PRKG1: variants seen among roughly 807,000 people sequenced by gnomAD.
PRKG1 encodes protein kinase cGMP-dependent 1.
PRKG1 carries 35 observed loss-of-function variants against 88.1 expected under a neutral mutation model. That is an observed-to-expected ratio of 0.40 (90% CI 0.30 to 0.53). The LOEUF is 0.53. PRKG1 is among the 20% of genes least tolerant of loss of function. The pLI is 0.59. For synonymous variants in PRKG1, 303 were observed against 292.5 expected, an observed-to-expected ratio of 1.04 and a Z score of -0.37; for missense variants, 540 against 839.8, an observed-to-expected ratio of 0.64 and a Z score of 4.41.
At chr10:51,864,124 A>G (rs115255595) in intron 4 of PRKG1, among the ~76,000 whole-genome samples, 11 of 152,328 alleles carry the variant, frequency 7.2e-5, no homozygotes, top group Non-Finnish European at 1.2e-4. Flanking sequence ...TAAGGTGGAA[A>G]TGTCTTCTGC....
At chr10:52,155,504 G>C (rs1276698142) in intron 8 of PRKG1, among the ~76,000 whole-genome samples, 2 of 151,752 alleles carry the variant, frequency 1.3e-5, no homozygotes, top group African/African-American at 4.8e-5. Flanking sequence ...TGCTTGACTG[G>C]ATAGTTTTCC....
intron 3 of PRKG1, chr10:51,697,608 A>G: frequency 1.6e-6 from 2 of 1,222,238 alleles, no homozygotes; most frequent in South Asian, 2.8e-5. Flanking sequence ...CCCTAATCCA[A>G]GTGTGGGGAT....
chr10:52,039,140 C>T (rs1845692356), intron 5 of PRKG1, among the ~76,000 whole-genome samples: 1 of 152,122 alleles, frequency 6.6e-6, no homozygotes, highest in Non-Finnish European at 1.5e-5. Flanking sequence ...AAGAGACCAC[C>T]AAACAGGCTT....
At chr10:51,626,575 T>A (rs1367355495) in intron 3 of PRKG1, among the ~76,000 whole-genome samples, 1 of 152,232 alleles carries the variant, frequency 6.6e-6, no homozygotes, top group African/African-American at 2.4e-5. Flanking sequence ...CAAATCATAA[T>A]GAATAGCATT....
chr10:51,582,943 A>G (rs1838079281), intron 3 of PRKG1, among the ~76,000 whole-genome samples: 1 of 152,120 alleles, frequency 6.6e-6, no homozygotes, highest in Admixed American at 6.6e-5. Flanking sequence ...TGGAATCACA[A>G]CTATTATTTT....
intron 3 of PRKG1, among the ~76,000 whole-genome samples, chr10:51,610,212 A>G (rs888623884): frequency 6.6e-6 from 1 of 152,126 alleles, no homozygotes; most frequent in Non-Finnish European, 1.5e-5. Flanking sequence ...TTACTAATCT[A>G]TCAAAGAAGA....
At chr10:51,049,615 A>G (rs992981002) in intron 1 of PRKG1, among the ~76,000 whole-genome samples, 5 of 152,188 alleles carry the variant, frequency 3.3e-5, no homozygotes, top group Admixed American at 6.5e-5. Flanking sequence ...TAAGCTGAAA[A>G]CAACCATATA....
chr10:51,909,719 G>T (rs549954086), intron 5 of PRKG1: 2 of 151,990 alleles, frequency 1.3e-5, no homozygotes, highest in South Asian at 4.1e-4. Context: ...AAAGCCTGTG[G>T]AAGTAGGAGG....
At chr10:51,056,391 T>C (rs1284061059) in intron 1 of PRKG1, among the ~76,000 whole-genome samples, 2 of 152,216 alleles carry the variant, frequency 1.3e-5, no homozygotes, top group Non-Finnish European at 2.9e-5. Flanking sequence ...CTCCCTTTAC[T>C]GTTAAACGTG....
At chr10:51,944,773 GT>G (rs1842987292) in intron 5 of PRKG1, among the ~76,000 whole-genome samples, 1 of 152,044 alleles carries the variant, frequency 6.6e-6, no homozygotes, top group Admixed American at 6.5e-5. Flanking sequence ...TTTTGAGTGA[GT>G]TTCTTAATCC....
chr10:51,311,011 C>T (rs1039024550), intron 2 of PRKG1, among the ~76,000 whole-genome samples: 4 of 151,710 alleles, frequency 2.6e-5, no homozygotes, highest in Admixed American at 6.6e-5. Flanking sequence ...GTGCAGATCT[C>T]GGAACAGAAG....
intron 3 of PRKG1, among the ~76,000 whole-genome samples, chr10:51,510,062 A>T (rs1187343812): frequency 6.6e-6 from 1 of 152,142 alleles, no homozygotes; most frequent in East Asian, 1.9e-4. Context: ...AAGAGCATTT[A>T]TTCTTTGTGT....
At chr10:51,554,221 T>A (rs909770949) in intron 3 of PRKG1, among the ~76,000 whole-genome samples, 2 of 147,528 alleles carry the variant, frequency 1.4e-5, no homozygotes, top group Non-Finnish European at 3.0e-5. Flanking sequence ...ATGTATATTA[T>A]ATATGCATAT....
At chr10:51,141,950 G>T (rs1429892986) in intron 1 of PRKG1, among the ~76,000 whole-genome samples, 1 of 152,058 alleles carries the variant, frequency 6.6e-6, no homozygotes, top group Non-Finnish European at 1.5e-5. Flanking sequence ...CTGCCATTTT[G>T]CAGTTTTTTG....
At chr10:51,485,210 G>A (rs1344878457) in intron 3 of PRKG1, among the ~76,000 whole-genome samples, 1 of 152,186 alleles carries the variant, frequency 6.6e-6, no homozygotes, top group East Asian at 1.9e-4. Context: ...AGAGTATGCA[G>A]TGTCCTGGTT....
At chr10:51,079,518 C>T (rs1756994273) in intron 1 of PRKG1, among the ~76,000 whole-genome samples, 1 of 152,064 alleles carries the variant, frequency 6.6e-6, no homozygotes, top group African/African-American at 2.4e-5. Flanking sequence ...AAAGCAGGGC[C>T]CCTCTGGGAA....
chr10:51,723,322 G>A (rs1842057948), intron 3 of PRKG1, among the ~76,000 whole-genome samples: 1 of 152,112 alleles, frequency 6.6e-6, no homozygotes, highest in South Asian at 2.1e-4. Context: ...GTCTTTTGCA[G>A]GGACATGGAT....
chr10:51,728,168 G>C (rs1213420498), intron 3 of PRKG1, among the ~76,000 whole-genome samples: 2 of 152,048 alleles, frequency 1.3e-5, no homozygotes, highest in Admixed American at 6.5e-5. Flanking sequence ...GCTATTCATA[G>C]ATCATTCAGA....
chr10:51,193,006 T>C (rs1474610354), intron 2 of PRKG1, among the ~76,000 whole-genome samples: 1 of 152,048 alleles, frequency 6.6e-6, no homozygotes, highest in African/African-American at 2.4e-5. Flanking sequence ...AATGTTAGAA[T>C]AAAGCTAAAG....
Sources: allele counts gnomAD v4.1 joint callset (sites outside exome capture counted in the v4.1 genomes callset), GRCh38; gene constraint gnomAD v4.1.1; transcripts MANE v1.5; gene names NCBI Gene and HGNC (gene_info 2026-07-23, HGNC 2026-07-21).